LIMS1: variants seen among roughly 807,000 people sequenced by gnomAD.
LIMS1 encodes LIM zinc finger domain containing 1, also known as LIM and senescent cell antigen-like-containing domain protein 1.
LIMS1 carries 18 observed loss-of-function variants against 44.1 expected under a neutral mutation model. The ratio of observed to expected loss-of-function variants is 0.41; its 90% confidence interval spans 0.28 to 0.61. LIMS1 has a LOEUF of 0.61. Among genes scored for constraint, LIMS1 ranks in the 20% least tolerant of loss-of-function variants. The probability of loss-of-function intolerance (pLI) is 0.32; values close to 1 mark genes in which losing one functional copy is unlikely to be tolerated. For missense variants in LIMS1, 201 were observed against 422.0 expected (o/e 0.48, Z 4.59); for synonymous variants, 93 against 149.1 (o/e 0.62, Z 2.74).
At chr2:108,635,429 T>TAAAA (rs70956264) in intron 1 of LIMS1, among the ~76,000 whole-genome samples, 23 of 86,676 alleles carry the variant, frequency 2.7e-4, no homozygotes, top group Admixed American at 5.9e-4. Context: ...ACTTCATCTC[T>TAAAA]AAAAAAAAAA....
At chr2:108,634,892 G>A (rs746893234) in intron 1 of LIMS1, among the ~76,000 whole-genome samples, 1 of 152,192 alleles carries the variant, frequency 6.6e-6, no homozygotes, top group African/African-American at 2.4e-5. Context: ...AAAGTTCACT[G>A]ATCGCCTCAG....
intron 1 of LIMS1, among the ~76,000 whole-genome samples, chr2:108,629,105 G>A (rs941572532): frequency 1.3e-5 from 2 of 152,178 alleles, no homozygotes; most frequent in Non-Finnish European, 2.9e-5. Context: ...GAAGACTGTT[G>A]TGTGGTATTG....
At chr2:108,644,652 C>T (rs956065596) in intron 1 of LIMS1, among the ~76,000 whole-genome samples, 2 of 151,970 alleles carry the variant, frequency 1.3e-5, no homozygotes, top group African/African-American at 2.4e-5. Context: ...ATGAGTTTGA[C>T]GAATGTGACA....
At chr2:108,633,200 T>C (rs1689028524) in intron 1 of LIMS1, among the ~76,000 whole-genome samples, 1 of 152,268 alleles carries the variant, frequency 6.6e-6, no homozygotes, top group Non-Finnish European at 1.5e-5. Flanking sequence ...GTTATTTTTA[T>C]GTATTCTTTT....
intron 1 of LIMS1, among the ~76,000 whole-genome samples, chr2:108,643,882 G>T (rs1287183883): frequency 6.6e-6 from 1 of 152,222 alleles, no homozygotes; most frequent in East Asian, 1.9e-4. Context: ...TACCCTCACA[G>T]TGTAAACAAA....
At chr2:108,639,156 C>A (rs1689491321) in intron 1 of LIMS1, among the ~76,000 whole-genome samples, 3 of 152,186 alleles carry the variant, frequency 2.0e-5, no homozygotes, top group African/African-American at 7.2e-5. Context: ...CCACTCACTG[C>A]ATGGGACACA....
intron 1 of LIMS1, among the ~76,000 whole-genome samples, chr2:108,574,243 A>C (rs1053387703): frequency 6.6e-6 from 1 of 152,238 alleles, no homozygotes; most frequent in African/African-American, 2.4e-5. Flanking sequence ...AAAGCTAGAC[A>C]AGATCAGGGA....
intron 1 of LIMS1, among the ~76,000 whole-genome samples, chr2:108,580,757 G>A (rs1349948810): frequency 6.6e-6 from 1 of 152,196 alleles, no homozygotes; most frequent in Admixed American, 6.5e-5. Flanking sequence ...TTTCTCGCTT[G>A]GACTAGAACC....
intron 1 of LIMS1, among the ~76,000 whole-genome samples, chr2:108,563,491 T>C (rs891716802): frequency 1.3e-5 from 2 of 151,968 alleles, no homozygotes; most frequent in African/African-American, 2.4e-5. Context: ...AAGACTTCAG[T>C]GGAAGAAGTA....
chr2:108,686,662 G>GCTA (rs998526514), exon 10 of LIMS1: 1 of 151,952 alleles, frequency 6.6e-6, no homozygotes, highest in African/African-American at 2.4e-5. Flanking sequence ...TGTAGTCCCA[G>GCTA]CTACTCGGGA....
chr2:108,564,870 T>A (rs1318638591), intron 1 of LIMS1, among the ~76,000 whole-genome samples: 4 of 151,384 alleles, frequency 2.6e-5, no homozygotes, highest in African/African-American at 9.7e-5. Flanking sequence ...CTAAGGGAAC[T>A]TGTCTATTAT....
intron 1 of LIMS1, among the ~76,000 whole-genome samples, chr2:108,624,145 G>T (rs181425680): frequency 6.6e-6 from 1 of 152,226 alleles, no homozygotes; most frequent in Non-Finnish European, 1.5e-5. Flanking sequence ...GCTTGTTCCA[G>T]TGGGTCGGAA....
At chr2:108,610,147 A>AATGTGTGT (rs1436564743) in intron 1 of LIMS1, among the ~76,000 whole-genome samples, 5 of 122,520 alleles carry the variant, frequency 4.1e-5, no homozygotes, top group Admixed American at 8.7e-5. Flanking sequence ...TGTTACAAAA[A>AATGTGTGT]ATGTGTGTGT....
chr2:108,608,087 G>A (rs1687372319), intron 1 of LIMS1, among the ~76,000 whole-genome samples: 1 of 152,146 alleles, frequency 6.6e-6, no homozygotes, highest in South Asian at 2.1e-4. Flanking sequence ...CAGAGTTGAG[G>A]TCTCTTGGTT....
chr2:108,674,071 T>C (rs1267138950), intron 5 of LIMS1: 1 of 152,248 alleles, frequency 6.6e-6, no homozygotes, highest in African/African-American at 2.4e-5. Flanking sequence ...CTCACACCTG[T>C]AATCCCAGCA....
intron 1 of LIMS1, among the ~76,000 whole-genome samples, chr2:108,652,484 C>T (rs1342728502): frequency 6.6e-6 from 1 of 152,256 alleles, no homozygotes; most frequent in African/African-American, 2.4e-5. Flanking sequence ...ATAACAGAAT[C>T]ATATAAATGA....
intron 1 of LIMS1, chr2:108,607,399 G>T: frequency 3.9e-6 from 3 of 775,114 alleles, no homozygotes; most frequent in East Asian, 2.8e-5. Flanking sequence ...ACACAAGGGT[G>T]TATTTTTGTG....
chr2:108,665,313 TACAG>T (rs1264092210), intron 2 of LIMS1, among the ~76,000 whole-genome samples: 1 of 152,192 alleles, frequency 6.6e-6, no homozygotes, highest in Non-Finnish European at 1.5e-5. Context: ...CATGTTACTA[TACAG>T]AATACTGCAG....
At chr2:108,585,762 A>G (rs772112645) in intron 1 of LIMS1, among the ~76,000 whole-genome samples, 2 of 152,196 alleles carry the variant, frequency 1.3e-5, no homozygotes, top group Non-Finnish European at 2.9e-5. Flanking sequence ...CCAGGAAAGC[A>G]TCATTTAAAA....
Sources: gnomAD v4.1 joint callset for allele counts (sites outside exome capture counted in the v4.1 genomes callset) on GRCh38, gnomAD v4.1.1 for gene constraint, MANE v1.5 for transcripts, NCBI Gene and HGNC (gene_info 2026-07-23, HGNC 2026-07-21) for gene names.